TMEM131L: variants seen among roughly 807,000 people sequenced by gnomAD.
The protein encoded by TMEM131L is transmembrane 131 like, also known as transmembrane protein 131-like.
TMEM131L carries 54 observed loss-of-function variants against 192.2 expected under a neutral mutation model. The ratio of observed to expected loss-of-function variants is 0.28; its 90% CI spans 0.23 to 0.35. TMEM131L has a LOEUF of 0.35. Among genes scored for constraint, TMEM131L ranks in the 10% least tolerant of loss-of-function variants. The pLI, the probability that TMEM131L is intolerant of heterozygous loss-of-function variation, is 1.00. For synonymous variants in TMEM131L, 701 were observed against 704.9 expected, an observed-to-expected ratio of 0.99 and a Z score of 0.09; for missense variants, 1,888 against 1,972.9, an observed-to-expected ratio of 0.96 and a Z score of 0.82.
At chr4:153,581,277 AC>A (rs1347966506) in intron 8 of TMEM131L, 129 bp from the exon 9 acceptor site, 3 of 685,876 alleles carry the variant, frequency 4.4e-6, no homozygotes, top group Non-Finnish European at 6.8e-6. Flanking sequence ...ATAAAATAAA[AC>A]ACAAAACAGC....
At chr4:153,526,599 G>T (rs934158215) in intron 3 of TMEM131L, among the ~76,000 whole-genome samples, 1 of 152,076 alleles carries the variant, frequency 6.6e-6, no homozygotes, top group South Asian at 2.1e-4. Context: ...TTAGCCGGGC[G>T]TGGTGGCGGG....
At chr4:153,626,510 C>T (rs1011130538) in intron 30 of TMEM131L, among the ~76,000 whole-genome samples, 26 of 152,186 alleles carry the variant, frequency 1.7e-4, no homozygotes, top group African/African-American at 6.0e-4. Context: ...AATCCTAGCA[C>T]TTTGGGAGGC....
intron 3 of TMEM131L, among the ~76,000 whole-genome samples, chr4:153,498,320 C>T (rs1355786479): frequency 2.6e-5 from 4 of 152,152 alleles, no homozygotes; most frequent in African/African-American, 9.7e-5. Flanking sequence ...AGCCCACTTA[C>T]GGACAGAGAG....
At chr4:153,496,261 A>G (rs931844967) in intron 3 of TMEM131L, among the ~76,000 whole-genome samples, 2 of 152,218 alleles carry the variant, frequency 1.3e-5, no homozygotes, top group Non-Finnish European at 2.9e-5. Context: ...AAAACATTTT[A>G]AATCCATGGA....
At chr4:153,606,081 C>T (rs1732212951) in intron 25 of TMEM131L, among the ~76,000 whole-genome samples, 1 of 152,188 alleles carries the variant, frequency 6.6e-6, no homozygotes, top group African/African-American at 2.4e-5. Context: ...CCCAGATCTT[C>T]AAATCAAACC....
chr4:153,574,243 GT>G (rs1394626088), intron 7 of TMEM131L, among the ~76,000 whole-genome samples: 1 of 152,208 alleles, frequency 6.6e-6, no homozygotes, highest in African/African-American at 2.4e-5. Context: ...TTTTGCAAAT[GT>G]TTGCATGAGT....
intron 3 of TMEM131L, among the ~76,000 whole-genome samples, chr4:153,504,242 C>T (rs570697245): frequency 6.3e-4 from 83 of 131,074 alleles, no homozygotes; most frequent in Non-Finnish European, 1.2e-3. Flanking sequence ...GCTGGGATTA[C>T]GGGCGTGAGC....
chr4:153,628,129 C>G (rs1366713230), intron 31 of TMEM131L, among the ~76,000 whole-genome samples: 1 of 152,236 alleles, frequency 6.6e-6, no homozygotes, highest in Non-Finnish European at 1.5e-5. Flanking sequence ...GCTTCCCTTC[C>G]TCCCCAACTC....
At chr4:153,536,402 A>G (rs1040696257) in intron 3 of TMEM131L, among the ~76,000 whole-genome samples, 1 of 152,262 alleles carries the variant, frequency 6.6e-6, no homozygotes, top group African/African-American at 2.4e-5. Flanking sequence ...TGTATAATTA[A>G]GAACAATTAA....
intron 3 of TMEM131L, among the ~76,000 whole-genome samples, chr4:153,536,087 C>G (rs1419031702): frequency 6.6e-6 from 1 of 152,190 alleles, no homozygotes; most frequent in East Asian, 1.9e-4. Context: ...GCATAGGATT[C>G]ATACCGTGCT....
rs766656100 is a variant in TMEM131L at position 153,555,882 on chromosome 4, A to G, written c.404A>G (p.His135Arg). ...AATTCAGTGTTTGCAGCTGCTGGAC[A>G]TTTCCATGTACCGCCAGTTCCCTGC... ...VVNSVFAAAG[H>R]FHVPPVPCRV... Residue 135 changes from histidine to arginine, a missense_variant, in exon 5 of 35, where the codon CAT becomes CGT. Coordinates refer to ENST00000409959, the MANE Select transcript of TMEM131L (RefSeq NM_001131007.2). This position sits in a 1 kb window ranked among gnomAD's most constrained non-coding sequence, Gnocchi z 4.1. 1.9e-6 allele frequency: 3 copies of G among 1,551,368 alleles called. No homozygotes were observed. The highest frequency in any genetic ancestry group is 2.7e-5 in the African/African-American group (2 of 72,988).
intron 3 of TMEM131L, among the ~76,000 whole-genome samples, chr4:153,491,435 C>T (rs188945063): frequency 7.9e-5 from 12 of 152,134 alleles, no homozygotes; most frequent in African/African-American, 2.7e-4. Flanking sequence ...GAAAGTAAAT[C>T]ACTAGTCTTT....
chr4:153,632,776 A>T lies in TMEM131L; in HGVS notation c.4266A>T (p.Leu1422Phe), dbSNP rs373695624. The change falls in exon 32 of 35, where the codon TTA becomes TTT. Residue 1422 changes from leucine to phenylalanine, a missense_variant. Physicochemically the swap from Leu to Phe is conservative, Grantham distance 22. Transcript: ENST00000409959. ...PTPPVCVTSS[L>F]NCTLENGVPC... ...CGCCAGTGTGTGTGACAAGCAGCTT[A>T]AACTGCACCCTGGAGAACGGCGTGC... The T allele has an allele frequency of 6.2e-7, 1 of 1,614,120 alleles. No homozygotes were observed. The highest frequency in any genetic ancestry group is 8.5e-7 in the Non-Finnish European group (1 of 1,180,020).
At chr4:153,629,733 A>T (rs962579205) in intron 31 of TMEM131L, among the ~76,000 whole-genome samples, 1 of 152,104 alleles carries the variant, frequency 6.6e-6, no homozygotes, top group African/African-American at 2.4e-5. Flanking sequence ...TTCAGTCCCC[A>T]TATTGGCCTG....
intron 2 of TMEM131L, among the ~76,000 whole-genome samples, chr4:153,471,261 C>G (rs1273469238): frequency 1.3e-5 from 2 of 152,184 alleles, no homozygotes; most frequent in Non-Finnish European, 2.9e-5. Flanking sequence ...GCTGAGATTA[C>G]AGGTGTGAGT....
At position 153,555,999 on chromosome 4, in the gene TMEM131L, C is replaced by A; in HGVS notation, c.432+89C>A. The A allele has an allele frequency of 7.5e-7, 1 of 1,328,380 alleles. No homozygotes were observed. Among genetic ancestry groups the A allele is most frequent in the South Asian group, 1.4e-5 (1 of 69,902 alleles). 82.3% of individuals were successfully genotyped at this position (1,328,380 alleles called of 1,614,324 possible). Reference sequence around the variant, plus strand: ...TGGCCTGAAGTTTTTACTTTCTGCTCCCTGTCTCCCGCTTTTTCTGGTACC... The same window carrying A: ...TGGCCTGAAGTTTTTACTTTCTGCTACCTGTCTCCCGCTTTTTCTGGTACC... On this transcript the variant is annotated intron_variant, in intron 5 of 34. Coordinates refer to ENST00000409959, the MANE Select transcript of TMEM131L (RefSeq NM_001131007.2). This position sits in a 1 kb window ranked among gnomAD's most constrained non-coding sequence, Gnocchi z 4.1.
intron 3 of TMEM131L, among the ~76,000 whole-genome samples, chr4:153,547,905 A>G (rs1737308786): frequency 1.3e-5 from 2 of 152,262 alleles, no homozygotes; most frequent in Admixed American, 1.3e-4. Context: ...GTAAAATCTG[A>G]TGGCAAATTC....
chr4:153,469,709 C>G (rs1731015974), intron 2 of TMEM131L, among the ~76,000 whole-genome samples: 1 of 152,086 alleles, frequency 6.6e-6, no homozygotes, highest in Non-Finnish European at 1.5e-5. Context: ...GGTGGATCAC[C>G]TGAGGTCAGG....
At chr4:153,502,299 T>G (rs1733674100) in intron 3 of TMEM131L, among the ~76,000 whole-genome samples, 1 of 152,210 alleles carries the variant, frequency 6.6e-6, no homozygotes. Flanking sequence ...GCATCTCAGC[T>G]GCAAGTGGTA....
Sources: gnomAD v4.1 joint callset for allele counts (sites outside exome capture counted in the v4.1 genomes callset) on GRCh38, gnomAD v4.1.1 for gene constraint, Gnocchi (gnomAD v3.1) non-coding constraint, MANE v1.5 for transcripts, NCBI Gene and HGNC (gene_info 2026-07-23, HGNC 2026-07-21) for gene names.